REDIC1: variants seen among roughly 807,000 people sequenced by gnomAD.
REDIC1 encodes the protein HEI10 Interacting Protein 1.
At chr12:39,808,063 C>G in the REDIC1 span, among the ~76,000 whole-genome samples, 1 of 151,998 alleles carries the variant, frequency 6.6e-6, no homozygotes, top group African/African-American at 2.4e-5. Flanking sequence ...TCCATGTAAC[C>G]ACTACCACAG....
At chr12:39,629,617 C>T in the REDIC1 span, among the ~76,000 whole-genome samples, 3 of 152,202 alleles carry the variant, frequency 2.0e-5, no homozygotes, top group South Asian at 4.1e-4. Context: ...AAGGAAAGAG[C>T]CAGTGATTAG....
At chr12:39,738,491 T>C in the REDIC1 span, among the ~76,000 whole-genome samples, 14 of 152,180 alleles carry the variant, frequency 9.2e-5, no homozygotes, top group African/African-American at 3.1e-4. Context: ...GTAAGTGGAG[T>C]ATATTTTGTG....
At chr12:39,839,684 T>C in the REDIC1 span, among the ~76,000 whole-genome samples, 2 of 152,062 alleles carry the variant, frequency 1.3e-5, no homozygotes. Context: ...TTGCTTCTGT[T>C]CTGGGCCATC....
chr12:39,749,182 T>A, the REDIC1 span, among the ~76,000 whole-genome samples: 7 of 151,444 alleles, frequency 4.6e-5, no homozygotes, highest in Non-Finnish European at 1.5e-5. Flanking sequence ...GCAAGACTAA[T>A]AAAGAAGAAA....
At chr12:39,902,412 A>T in the REDIC1 span, among the ~76,000 whole-genome samples, 1 of 152,118 alleles carries the variant, frequency 6.6e-6, no homozygotes, top group East Asian at 1.9e-4. Context: ...AACTATTTTT[A>T]AACTTGAAAT....
the REDIC1 span, among the ~76,000 whole-genome samples, chr12:39,749,095 CA>C: frequency 1.3e-5 from 2 of 151,928 alleles, no homozygotes; most frequent in African/African-American, 2.4e-5. Context: ...GAGATAGAGA[CA>C]CAAAAAACCC....
the REDIC1 span, among the ~76,000 whole-genome samples, chr12:39,656,863 T>C: frequency 6.6e-6 from 1 of 152,198 alleles, no homozygotes; most frequent in East Asian, 1.9e-4. Context: ...AGAATAAGGC[T>C]GTAAAGAAAA....
At chr12:39,814,556 C>T in the REDIC1 span, among the ~76,000 whole-genome samples, 1 of 151,916 alleles carries the variant, frequency 6.6e-6, no homozygotes, top group African/African-American at 2.4e-5. Context: ...CTGAAGAATG[C>T]TTTGGTAGAA....
At chr12:39,877,419 C>T in the REDIC1 span, among the ~76,000 whole-genome samples, 2 of 152,134 alleles carry the variant, frequency 1.3e-5, no homozygotes, top group East Asian at 3.9e-4. Flanking sequence ...ATTCAATTAC[C>T]TCCCATTGAG....
the REDIC1 span, among the ~76,000 whole-genome samples, chr12:39,797,764 A>G: frequency 6.6e-6 from 1 of 152,108 alleles, no homozygotes; most frequent in South Asian, 2.1e-4. Flanking sequence ...ACACACACAC[A>G]CACACACACA....
chr12:39,787,497 C>T, the REDIC1 span, among the ~76,000 whole-genome samples: 1 of 152,002 alleles, frequency 6.6e-6, no homozygotes, highest in Non-Finnish European at 1.5e-5. Context: ...TTATTTTTTT[C>T]CTTCAGTTCA....
the REDIC1 span, among the ~76,000 whole-genome samples, chr12:39,741,899 G>A: frequency 5.3e-5 from 8 of 152,194 alleles, no homozygotes. Flanking sequence ...GACCTGTTTA[G>A]CTAGACTGAT....
At chr12:39,796,349 G>GT in the REDIC1 span, among the ~76,000 whole-genome samples, 1 of 150,780 alleles carries the variant, frequency 6.6e-6, no homozygotes. Flanking sequence ...CAGCTACTTG[G>GT]TAGGCTGAAC....
At chr12:39,664,305 T>G in the REDIC1 span, among the ~76,000 whole-genome samples, 1 of 150,038 alleles carries the variant, frequency 6.7e-6, no homozygotes, top group African/African-American at 2.5e-5. Flanking sequence ...AATTCCCACC[T>G]ATGAGTGAGA....
the REDIC1 span, among the ~76,000 whole-genome samples, chr12:39,674,404 A>C: frequency 6.6e-6 from 1 of 152,212 alleles, no homozygotes. Flanking sequence ...CAGGACTAGT[A>C]TGCAGCTCCC....
the REDIC1 span, among the ~76,000 whole-genome samples, chr12:39,627,221 C>A: frequency 2.6e-5 from 4 of 152,182 alleles, no homozygotes; most frequent in Non-Finnish European, 5.9e-5. Context: ...ATAATTTTAG[C>A]ATGCACTTTT....
the REDIC1 span, among the ~76,000 whole-genome samples, chr12:39,703,367 C>A: frequency 6.7e-6 from 1 of 150,086 alleles, no homozygotes; most frequent in African/African-American, 2.5e-5. Context: ...CCTAGGAATC[C>A]AACTTACAAG....
At chr12:39,804,613 T>G in the REDIC1 span, among the ~76,000 whole-genome samples, 2 of 152,180 alleles carry the variant, frequency 1.3e-5, no homozygotes, top group African/African-American at 4.8e-5. Context: ...GTTAATTTAT[T>G]TATTCAATAA....
the REDIC1 span, among the ~76,000 whole-genome samples, chr12:39,904,314 C>T: frequency 6.6e-6 from 1 of 152,096 alleles, no homozygotes; most frequent in Non-Finnish European, 1.5e-5. Context: ...CAGCAGAAAC[C>T]ACATTGTAGT....
Sources: gnomAD v4.1 joint callset for allele counts (sites outside exome capture counted in the v4.1 genomes callset) on GRCh38, gnomAD v4.1.1 for gene constraint, MANE v1.5 for transcripts, NCBI Gene and HGNC (gene_info 2026-07-23, HGNC 2026-07-21) for gene names.